The following MYBPC1 variants were observed in gnomAD, a reference collection of about 807,000 sequenced individuals.
MYBPC1 encodes the protein myosin-binding protein C, slow-type.
A neutral mutation model predicts 147.1 loss-of-function variants in MYBPC1; 52 were observed. That is an observed-to-expected ratio of 0.35 (90% confidence interval 0.28 to 0.45). The LOEUF (loss-of-function observed/expected upper bound fraction) is 0.45. Ranked by LOEUF, MYBPC1 falls within the 20% of genes least tolerant of loss-of-function variation. MYBPC1 has a pLI of 1.00. For missense variants in MYBPC1, 1,228 were observed against 1,440.3 expected (o/e 0.85, Z 2.39); for synonymous variants, 477 against 475.9 (o/e 1.00, Z -0.03).
intron 1 of MYBPC1, among the ~76,000 whole-genome samples, chr12:101,596,178 A>T (rs1410867545): frequency 6.6e-6 from 1 of 152,240 alleles, no homozygotes; most frequent in Non-Finnish European, 1.5e-5. Flanking sequence ...CCAAATTATC[A>T]AAAGTCTTTT....
At chr12:101,672,403 T>C (rs776284124) in intron 24 of MYBPC1, among the ~76,000 whole-genome samples, 4 of 152,198 alleles carry the variant, frequency 2.6e-5, no homozygotes, top group African/African-American at 4.8e-5. Context: ...TCCTTTGTAA[T>C]AGAAATGGAA....
At chr12:101,608,063 C>T (rs1882930668) in intron 1 of MYBPC1, among the ~76,000 whole-genome samples, 1 of 152,198 alleles carries the variant, frequency 6.6e-6, no homozygotes, top group Admixed American at 6.5e-5. Flanking sequence ...TTGGCACAGG[C>T]TGTGCAGGCA....
chr12:101,652,884 G>T (rs772564880), intron 17 of MYBPC1, 100 bp downstream of exon 17: 442 of 1,162,220 alleles, frequency 3.8e-4, no homozygotes, highest in Non-Finnish European at 5.3e-4. Flanking sequence ...GACATTTAAG[G>T]AAAAATACAT....
rs931376255 is a variant in MYBPC1 at position 101,647,570 on chromosome 12, G to C, written c.1091-475G>C. Reference sequence around the variant, plus strand: ...CCTGCTATTTATTTTGCCAAGAACAGACATAGAAAACAAAACAAAACAAAA... The same window carrying C: ...CCTGCTATTTATTTTGCCAAGAACACACATAGAAAACAAAACAAAACAAAA... On this transcript the variant is annotated intron_variant, in intron 13 of 31. Coordinates refer to ENST00000361466, the MANE Select transcript of MYBPC1 (RefSeq NM_002465.4). Among the ~76,000 whole-genome samples the C allele has an allele frequency of 3.6e-5, 5 of 140,648 alleles. No individual in the cohort carries two copies. The East Asian group carries it at 6.3e-4, about 18-fold the overall frequency. The allele number at this position is 140,648 out of a possible 152,430, so 92.3% of individuals were successfully genotyped here. A position where few individuals can be genotyped will look rare whatever the true frequency, so the allele number is the denominator to read the frequency against.
chr12:101,603,052 T>C (rs988068076), intron 1 of MYBPC1, among the ~76,000 whole-genome samples: 2 of 151,934 alleles, frequency 1.3e-5, no homozygotes, highest in Non-Finnish European at 2.9e-5. Flanking sequence ...GACTTTACAA[T>C]TTCTCTCCCT....
intron 3 of MYBPC1, among the ~76,000 whole-genome samples, chr12:101,622,027 T>C (rs750508450): frequency 1.3e-5 from 2 of 152,250 alleles, no homozygotes; most frequent in African/African-American, 2.4e-5. Context: ...TGCCCTTCTA[T>C]GTAGCTAGGG....
chr12:101,662,695 C>A (rs117177162), intron 21 of MYBPC1, 149 bp downstream of exon 21: 2 of 831,426 alleles, frequency 2.4e-6, no homozygotes, highest in East Asian at 2.6e-5. Context: ...AATTTTATGT[C>A]TAAGAAATTA....
At chr12:101,683,252 A>G (rs867323820) in intron 30 of MYBPC1, among the ~76,000 whole-genome samples, 2 of 152,008 alleles carry the variant, frequency 1.3e-5, no homozygotes, top group South Asian at 4.2e-4. Context: ...CAACATGGCA[A>G]ACTCCCATCT....
chr12:101,629,212 A>C, intron 5 of MYBPC1: 3 of 546,196 alleles, frequency 5.5e-6, no homozygotes, highest in East Asian at 3.3e-5. Context: ...TAAGAATTAC[A>C]TAATGTTCAT....
chr12:101,603,345 C>CAA (rs111935505), intron 1 of MYBPC1, among the ~76,000 whole-genome samples: 3 of 127,940 alleles, frequency 2.3e-5, no homozygotes, highest in African/African-American at 2.8e-5. Flanking sequence ...AACTCCGTCT[C>CAA]AAAAAAAAAA....
In MYBPC1 at chr12:101,668,731, C is replaced by T. The variant is rs572392552; in HGVS notation, c.2524+832C>T. 1.5e-4 allele frequency among the ~76,000 whole-genome samples: 23 copies of T among 152,230 alleles called. 1 individual carries two copies. The highest frequency in any genetic ancestry group is 1.5e-3 in the South Asian group (7 of 4,822). ...CCACCTGCCTCAGCCTCCCAAAGTG[C>T]TGGGATTACAGGCGTGAGCCACCAC... On this transcript the variant is annotated intron_variant, in intron 23 of 31. Transcript: ENST00000361466.
At chr12:101,641,767 A>G (rs867959926) in intron 10 of MYBPC1, among the ~76,000 whole-genome samples, 1 of 152,214 alleles carries the variant, frequency 6.6e-6, no homozygotes, top group Non-Finnish European at 1.5e-5. Flanking sequence ...AAAAAATTTT[A>G]AAACCATCAG....
At chr12:101,663,610 A>G (rs765676207) in intron 22 of MYBPC1, 50 bp downstream of exon 22, 2 of 1,587,028 alleles carry the variant, frequency 1.3e-6, no homozygotes, top group East Asian at 2.3e-5. Context: ...TAGGTGAGAT[A>G]TGTCCCTCCC....
chr12:101,685,539 T>A (rs1459243927), intron 31 of MYBPC1, 43 bp from the exon 32 acceptor site: 1 of 1,344,736 alleles, frequency 7.4e-7, no homozygotes, highest in Non-Finnish European at 1.0e-6. Context: ...ATTTTTCAGG[T>A]AGATGGTTTT....
chr12:101,648,032 T>C lies in MYBPC1; in HGVS notation c.1091-13T>C, dbSNP rs754297143. The C allele has an allele frequency of 1.9e-6, 3 of 1,590,306 alleles. No homozygotes were observed. The Admixed American group carries it at 5.0e-5, about 27-fold the overall frequency. ...ATATTTAATGATTCTGATTTCCCCT[T>C]TTTGTATACTAGAGCCTCCAATTAT... On this transcript the variant is annotated splice_polypyrimidine_tract_variant and intron_variant, in intron 13 of 31. Coordinates refer to ENST00000361466, the MANE Select transcript of MYBPC1 (RefSeq NM_002465.4).
intron 20 of MYBPC1, among the ~76,000 whole-genome samples, chr12:101,661,902 A>G (rs1896625704): frequency 2.9e-5 from 1 of 34,384 alleles, no homozygotes; most frequent in South Asian, 1.7e-3. Flanking sequence ...GTCTCAAAAA[A>G]AAAAAAAAAA....
chr12:101,663,367 T>A, intron 21 of MYBPC1, 59 bp from the exon 22 acceptor site: 1 of 1,452,828 alleles, frequency 6.9e-7, no homozygotes. Context: ...TTATCACAGT[T>A]CCTGCACTAT....
chr12:101,595,466 T>G (rs1876834847), intron 1 of MYBPC1, among the ~76,000 whole-genome samples: 1 of 152,218 alleles, frequency 6.6e-6, no homozygotes, highest in African/African-American at 2.4e-5. Context: ...GTATTTGCAA[T>G]TTGCAGAGAG....
At chr12:101,662,620 A>G (rs1896757822) in intron 21 of MYBPC1, 74 bp downstream of exon 21, 1 of 1,525,070 alleles carries the variant, frequency 6.6e-7, no homozygotes, top group African/African-American at 1.4e-5. Context: ...TCTGATCCCT[A>G]ACTGGAACAG....
Sources: allele counts gnomAD v4.1 joint callset (sites outside exome capture counted in the v4.1 genomes callset), GRCh38; gene constraint gnomAD v4.1.1; transcripts MANE v1.5; gene names NCBI Gene and HGNC (gene_info 2026-07-23, HGNC 2026-07-21).